The following UPF2 variants were observed in gnomAD, a reference collection of about 807,000 sequenced individuals.
UPF2 encodes the protein regulator of nonsense transcripts 2.
In UPF2, 17 loss-of-function variants were observed where a neutral mutation model predicts 141.4. The observed-to-expected ratio is 0.12, with a 90% CI of 0.08 to 0.18. The LOEUF (loss-of-function observed/expected upper bound fraction) is 0.18, where lower values mean the gene tolerates loss of function less well. Among genes scored for constraint, UPF2 ranks in the 10% least tolerant of loss-of-function variants. The pLI is 1.00. For synonymous variants in UPF2, 540 were observed against 498.0 expected (o/e 1.08, Z -1.12); for missense variants, 1,152 against 1,515.9 (o/e 0.76, Z 3.99).
At chr10:11,993,947 C>T (rs1833824274) in intron 8 of UPF2, among the ~76,000 whole-genome samples, 1 of 152,026 alleles carries the variant, frequency 6.6e-6, no homozygotes, top group Non-Finnish European at 1.5e-5. Flanking sequence ...TGTAATCTCA[C>T]CACTGCACTC....
At chr10:11,934,746 A>T (rs1004543459) in intron 19 of UPF2, among the ~76,000 whole-genome samples, 5 of 151,942 alleles carry the variant, frequency 3.3e-5, no homozygotes, top group East Asian at 1.9e-4. Context: ...CACGCCACCA[A>T]GCCTGGCTAA....
chr10:12,019,726 T>G lies in UPF2; in HGVS notation c.1146-5542A>C, dbSNP rs955790440. Among the ~76,000 whole-genome samples, 1 of 152,192 alleles carries G rather than the reference T, an allele frequency of 6.6e-6. No homozygotes were observed. Among genetic ancestry groups the G allele is most frequent in the Non-Finnish European group, 1.5e-5 (1 of 68,028 alleles). ...AGTCCTTGATTTTATGGAGTGTTTT[T>G]TTTTGTTTTGTTTTTGAGATGGATT... On this transcript the variant is annotated intron_variant, in intron 3 of 21. Coordinates refer to ENST00000357604, the MANE Select transcript of UPF2 (RefSeq NM_015542.4). The surrounding 1 kb of genome is among the most constrained non-coding windows in gnomAD (Gnocchi z 4.5).
chr10:11,940,868 T>C lies in UPF2; in HGVS notation c.3378+1797A>G, dbSNP rs1203655510. 6.6e-6 allele frequency among the ~76,000 whole-genome samples: 1 copy of C among 152,196 alleles called. No individual in the cohort carries two copies. The highest frequency in any genetic ancestry group is 1.9e-4 in the East Asian group (1 of 5,198). On this transcript the variant is annotated intron_variant, in intron 18 of 21. Coordinates refer to ENST00000357604, the MANE Select transcript of UPF2 (RefSeq NM_015542.4). This position sits in a 1 kb window ranked among gnomAD's most constrained non-coding sequence, Gnocchi z 4.2. ...TTAGTGCTGGCCGCCTTTTAGTTTT[T>C]TAAATACAGGTTCTTTTCTCCCTCA...
At chr10:12,018,989 A>T (rs1399603626) in intron 3 of UPF2, among the ~76,000 whole-genome samples, 1 of 152,210 alleles carries the variant, frequency 6.6e-6, no homozygotes, top group Non-Finnish European at 1.5e-5. Context: ...AAAAAATATG[A>T]CCAAAATTTC....
In UPF2 at chr10:12,008,855, C is replaced by T. The variant is rs117099797; in HGVS notation, c.1307-4128G>A. The stretch of plus-strand genomic sequence containing the variant: ...CTCTCCCTCCCCTTACCCCCAACCT[C>T]CCAACAGGCCCCAGTGTGTGTTGTT... On this transcript the variant is annotated intron_variant, in intron 4 of 21. Transcript: ENST00000357604. Among the ~76,000 whole-genome samples, 164 of 152,190 alleles carry T rather than the reference C, an allele frequency of 1.1e-3. 1 individual carries two copies. Among genetic ancestry groups the T allele is most frequent in the Non-Finnish European group, 2.1e-3 (140 of 67,994 alleles).
intron 4 of UPF2, among the ~76,000 whole-genome samples, chr10:12,005,174 A>G (rs1010030439): frequency 2.0e-5 from 3 of 150,926 alleles, no homozygotes; most frequent in African/African-American, 7.3e-5. Flanking sequence ...TACCATTTAT[A>G]TCTCCAAAAA....
intron 9 of UPF2, among the ~76,000 whole-genome samples, chr10:11,970,582 C>T (rs922559642): frequency 1.3e-5 from 2 of 152,106 alleles, no homozygotes; most frequent in Non-Finnish European, 2.9e-5. Flanking sequence ...AAGGCCAAGG[C>T]AGGTGGATCA....
At chr10:11,961,075 G>A (rs1235222599) in intron 11 of UPF2, among the ~76,000 whole-genome samples, 9 of 149,318 alleles carry the variant, frequency 6.0e-5, no homozygotes, top group Middle Eastern at 3.4e-3. Context: ...GGGCAACAGC[G>A]GGAGACCCTG....
At chr10:11,968,729 C>A (rs1273261261) in intron 9 of UPF2, among the ~76,000 whole-genome samples, 1 of 152,186 alleles carries the variant, frequency 6.6e-6, no homozygotes, top group Non-Finnish European at 1.5e-5. Flanking sequence ...ACAATGCAAA[C>A]AGACACATCA....
At chr10:11,924,862 C>T (rs1188731425) in intron 21 of UPF2, among the ~76,000 whole-genome samples, 1 of 152,086 alleles carries the variant, frequency 6.6e-6, no homozygotes, top group Admixed American at 6.5e-5. Context: ...TCTTGTTGCC[C>T]AGGCTGGAGT....
intron 8 of UPF2, among the ~76,000 whole-genome samples, chr10:11,982,606 C>T (rs1237041190): frequency 6.6e-6 from 1 of 152,114 alleles, no homozygotes; most frequent in Non-Finnish European, 1.5e-5. Context: ...CCCATCATAT[C>T]CCTCCCAATC....
rs1834182085 is a variant in UPF2, at chr10:12,014,312, CA to C, written c.1146-129del. The C allele has an allele frequency of 1.1e-6, 1 of 919,070 alleles. No individual in the cohort carries two copies. The highest frequency in any genetic ancestry group is 1.4e-6 in the Non-Finnish European group (1 of 697,042). The allele number at this position is 919,070 out of a possible 1,614,324, so 56.9% of individuals were successfully genotyped here. Reference sequence around the variant, plus strand: ...TAGTAAAATCTTCATTTTTATTTAACATTTGAATCTAGTATTTTCAAAATGT... The same window carrying C: ...TAGTAAAATCTTCATTTTTATTTAACTTTGAATCTAGTATTTTCAAAATGT... On this transcript the variant is annotated intron_variant, in intron 3 of 21. Transcript: ENST00000357604. The surrounding 1 kb of genome is among the most constrained non-coding windows in gnomAD (Gnocchi z 5.0).
At chr10:12,033,316 T>G (rs1028748229) in intron 2 of UPF2, among the ~76,000 whole-genome samples, 5 of 152,028 alleles carry the variant, frequency 3.3e-5, no homozygotes, top group Admixed American at 6.6e-5. Flanking sequence ...CAGGAGGACT[T>G]CTTGAGTCCA....
chr10:12,038,589 C>A (rs1042641261), intron 1 of UPF2, among the ~76,000 whole-genome samples: 2 of 151,632 alleles, frequency 1.3e-5, no homozygotes, highest in Non-Finnish European at 2.9e-5. Context: ...ATTAAACAGG[C>A]ATGGTGGAGG....
In UPF2 at chr10:11,998,526, T is replaced by C. The variant is rs1048927597; in HGVS notation, c.1759-769A>G. 6.6e-6 allele frequency among the ~76,000 whole-genome samples: 1 copy of C among 151,968 alleles called. No individual in the cohort carries two copies. Among genetic ancestry groups the C allele is most frequent in the Non-Finnish European group, 1.5e-5 (1 of 68,010 alleles). On this transcript the variant is annotated intron_variant, in intron 7 of 21. Coordinates refer to ENST00000357604, the MANE Select transcript of UPF2 (RefSeq NM_015542.4). The surrounding 1 kb of genome is among the most constrained non-coding windows in gnomAD (Gnocchi z 4.5). ...GCTCCCGGCCAAGCAGCTGAGACTA[T>C]AGGCATGTGTAGTTAAGGTTGAAAC... is the stretch of plus-strand genomic sequence containing the variant.
intron 2 of UPF2, among the ~76,000 whole-genome samples, chr10:12,031,909 C>A (rs917593278): frequency 1.3e-5 from 2 of 152,200 alleles, no homozygotes; most frequent in Admixed American, 1.3e-4. Context: ...AAGGTGGCCT[C>A]TATCACTGAG....
intron 3 of UPF2, among the ~76,000 whole-genome samples, chr10:12,021,903 T>C (rs1269826529): frequency 6.6e-6 from 1 of 152,178 alleles, no homozygotes; most frequent in African/African-American, 2.4e-5. Flanking sequence ...CTCAGCACTT[T>C]GGGAGGGCAA....
intron 9 of UPF2, among the ~76,000 whole-genome samples, chr10:11,973,884 C>A (rs1258027320): frequency 1.3e-5 from 2 of 152,030 alleles, no homozygotes; most frequent in Admixed American, 6.6e-5. Context: ...TTTTGGTTCC[C>A]TATGAACTTT....
chr10:11,929,003 G>A (rs950001751), intron 21 of UPF2, among the ~76,000 whole-genome samples: 3 of 152,112 alleles, frequency 2.0e-5, no homozygotes, highest in South Asian at 2.1e-4. Flanking sequence ...ACAAAAATTA[G>A]CCAGATGCGG....
Sources: gnomAD v4.1 joint callset for allele counts (sites outside exome capture counted in the v4.1 genomes callset) on GRCh38, gnomAD v4.1.1 for gene constraint, Gnocchi (gnomAD v3.1) non-coding constraint, MANE v1.5 for transcripts, NCBI Gene and HGNC (gene_info 2026-07-23, HGNC 2026-07-21) for gene names.